Variants in MCTP2 observed in about 807,000 individuals in gnomAD.
MCTP2 encodes the protein multiple C2 and transmembrane domain containing 2.
MCTP2 carries 132 observed loss-of-function variants against 111.6 expected under a neutral mutation model. The ratio of observed to expected loss-of-function variants is 1.18; its 90% CI spans 1.03 to 1.37. The LOEUF is 1.37. MCTP2 is among the 40% of genes most tolerant of loss of function. The pLI is 0.00. For synonymous variants in MCTP2, 395 were observed against 387.7 expected (o/e 1.02, Z -0.22); for missense variants, 1,183 against 1,067.9 (o/e 1.11, Z -1.50).
intron 1 of MCTP2, among the ~76,000 whole-genome samples, chr15:94,286,609 T>C (rs1051716631): frequency 6.6e-6 from 1 of 152,240 alleles, no homozygotes; most frequent in African/African-American, 2.4e-5. Context: ...AAAATTATGC[T>C]GTTCCATTCT....
intron 1 of MCTP2, among the ~76,000 whole-genome samples, chr15:94,243,081 ACACATATAC>A (rs2071158855): frequency 1.1e-5 from 1 of 92,736 alleles, no homozygotes; most frequent in African/African-American, 4.2e-5. Flanking sequence ...ATGTGTATCT[ACACATATAC>A]GTGTATATGT....
At chr15:94,277,697 A>G (rs2074283899) in intron 1 of MCTP2, among the ~76,000 whole-genome samples, 1 of 152,146 alleles carries the variant, frequency 6.6e-6, no homozygotes, top group Admixed American at 6.5e-5. Flanking sequence ...TGGACAAAGC[A>G]GGGGATTTTT....
intron 12 of MCTP2, among the ~76,000 whole-genome samples, chr15:94,371,732 A>C (rs1364940048): frequency 6.6e-6 from 1 of 152,146 alleles, no homozygotes; most frequent in South Asian, 2.1e-4. Context: ...TCTGTCGCCC[A>C]GGCTGGAGTA....
chr15:94,453,687 A>G (rs767604211), intron 19 of MCTP2, among the ~76,000 whole-genome samples: 13 of 152,200 alleles, frequency 8.5e-5, no homozygotes, highest in Non-Finnish European at 1.8e-4. Flanking sequence ...TAAAAACACA[A>G]AGATTACATA....
intron 2 of MCTP2, among the ~76,000 whole-genome samples, chr15:94,301,314 A>C (rs929856250): frequency 3.3e-5 from 5 of 152,042 alleles, no homozygotes; most frequent in Non-Finnish European, 5.9e-5. Context: ...AGTTCTGCCC[A>C]CCCAGCTCCC....
intron 1 of MCTP2, among the ~76,000 whole-genome samples, chr15:94,261,198 C>G (rs1383186443): frequency 2.0e-5 from 3 of 152,194 alleles, no homozygotes; most frequent in Admixed American, 2.0e-4. Flanking sequence ...TGTCTCATGT[C>G]TCCCTAAAAT....
At chr15:94,436,487 G>C (rs993687782) in intron 17 of MCTP2, among the ~76,000 whole-genome samples, 1 of 152,064 alleles carries the variant, frequency 6.6e-6, no homozygotes, top group African/African-American at 2.4e-5. Flanking sequence ...TATATCTAAA[G>C]GCAATATGGT....
At chr15:94,325,332 A>T (rs1205279956) in intron 4 of MCTP2, among the ~76,000 whole-genome samples, 1 of 152,056 alleles carries the variant, frequency 6.6e-6, no homozygotes, top group East Asian at 1.9e-4. Flanking sequence ...AGCTGTTACT[A>T]TTGCCGTGTG....
chr15:94,428,949 A>G (rs570020335), intron 17 of MCTP2, among the ~76,000 whole-genome samples: 35 of 152,242 alleles, frequency 2.3e-4, no homozygotes, highest in African/African-American at 5.1e-4. Flanking sequence ...TATTTAGTGC[A>G]TCCTGACAAT....
At chr15:94,413,194 G>C (rs2082229443) in intron 17 of MCTP2, among the ~76,000 whole-genome samples, 1 of 152,070 alleles carries the variant, frequency 6.6e-6, no homozygotes. Context: ...GTAAATTTCT[G>C]TGGGCTACTT....
At chr15:94,271,150 A>C (rs902351781) in intron 1 of MCTP2, among the ~76,000 whole-genome samples, 1 of 152,182 alleles carries the variant, frequency 6.6e-6, no homozygotes, top group African/African-American at 2.4e-5. Flanking sequence ...TGTGCATAAA[A>C]AAGTTATCCT....
intron 4 of MCTP2, among the ~76,000 whole-genome samples, chr15:94,331,188 T>C (rs1276918943): frequency 1.3e-5 from 2 of 152,248 alleles, no homozygotes; most frequent in Non-Finnish European, 2.9e-5. Context: ...GCTATTGATA[T>C]TCATAAAAAT....
chr15:94,240,576 G>A (rs1354041680), intron 1 of MCTP2, among the ~76,000 whole-genome samples: 2 of 152,118 alleles, frequency 1.3e-5, no homozygotes, highest in African/African-American at 4.8e-5. Context: ...TGACAGGGGA[G>A]GCCTTAAAAC....
intron 20 of MCTP2, among the ~76,000 whole-genome samples, chr15:94,467,033 T>C (rs2073397349): frequency 6.6e-6 from 1 of 152,200 alleles, no homozygotes; most frequent in Admixed American, 6.5e-5. Context: ...CTAACACTTA[T>C]TAAATAGTGA....
At chr15:94,350,145 G>T (rs2078225935) in intron 8 of MCTP2, among the ~76,000 whole-genome samples, 1 of 152,198 alleles carries the variant, frequency 6.6e-6, no homozygotes. Context: ...AGAGTATAAA[G>T]AAAGATGCTG....
At chr15:94,473,982 C>T (rs1382170794) in intron 21 of MCTP2, among the ~76,000 whole-genome samples, 1 of 150,918 alleles carries the variant, frequency 6.6e-6, no homozygotes. Context: ...CTGTAGGGCT[C>T]ATTCCACATT....
chr15:94,464,266 TATA>T (rs1397364321), intron 20 of MCTP2, among the ~76,000 whole-genome samples: 2 of 75,834 alleles, frequency 2.6e-5, no homozygotes, highest in Non-Finnish European at 5.5e-5. Context: ...ATTATATATA[TATA>T]TATATATATA....
chr15:94,303,336 G>A (rs563481073), intron 2 of MCTP2, among the ~76,000 whole-genome samples: 1 of 151,970 alleles, frequency 6.6e-6, no homozygotes, highest in Admixed American at 6.6e-5. Context: ...GGAGAAAGGT[G>A]TAGGCTGGGA....
chr15:94,292,834 A>T (rs2075093225), intron 1 of MCTP2: 2 of 152,236 alleles, frequency 1.3e-5, no homozygotes, highest in African/African-American at 2.4e-5. Flanking sequence ...CCCAATTAAA[A>T]GACTATCATC....
Sources: allele counts gnomAD v4.1 joint callset (sites outside exome capture counted in the v4.1 genomes callset), GRCh38; gene constraint gnomAD v4.1.1; transcripts MANE v1.5; gene names NCBI Gene and HGNC (gene_info 2026-07-23, HGNC 2026-07-21).